DLGAP2: variants seen among roughly 807,000 people sequenced by gnomAD.
DLGAP2 encodes the protein DLG associated protein 2.
In DLGAP2, 26 loss-of-function variants were observed where a neutral mutation model predicts 100.3. The observed-to-expected ratio is 0.26, with a 90% CI of 0.19 to 0.36. The LOEUF is 0.36. Ranked by LOEUF, DLGAP2 falls within the 10% of genes least tolerant of loss-of-function variation. The probability of loss-of-function intolerance (pLI) is 1.00; values close to 1 mark genes in which losing one functional copy is unlikely to be tolerated. For synonymous variants in DLGAP2, 886 were observed against 630.1 expected (o/e 1.41, Z -6.08); for missense variants, 1,858 against 1,453.2 (o/e 1.28, Z -4.53).
At chr8:983,765 C>T (rs1385409060) in intron 2 of DLGAP2, among the ~76,000 whole-genome samples, 1 of 152,284 alleles carries the variant, frequency 6.6e-6, no homozygotes, top group African/African-American at 2.4e-5. Flanking sequence ...ACCGCAGCCT[C>T]CCGAGTAGCT....
intron 3 of DLGAP2, among the ~76,000 whole-genome samples, chr8:1,446,680 G>C (rs1015408694): frequency 7.2e-5 from 11 of 152,120 alleles, no homozygotes; most frequent in African/African-American, 2.7e-4. Context: ...AATTACCTTG[G>C]GCAGTATGGC....
At chr8:1,529,520 T>G (rs888524183) in intron 4 of DLGAP2, among the ~76,000 whole-genome samples, 1 of 152,086 alleles carries the variant, frequency 6.6e-6, no homozygotes, top group South Asian at 2.1e-4. Context: ...CTGAGAAAAA[T>G]TCATGTTTAT....
At chr8:751,971 C>G (rs1169036941) in intron 1 of DLGAP2, among the ~76,000 whole-genome samples, 3 of 152,184 alleles carry the variant, frequency 2.0e-5, no homozygotes, top group Non-Finnish European at 4.4e-5. Context: ...TCATCTGACA[C>G]TTTTTTCAGG....
intron 2 of DLGAP2, among the ~76,000 whole-genome samples, chr8:1,127,019 C>G (rs1487909101): frequency 1.3e-5 from 2 of 150,726 alleles, no homozygotes; most frequent in Non-Finnish European, 3.0e-5. Flanking sequence ...GGGATGCCCA[C>G]CCTGTCCCCA....
chr8:1,130,090 AGACACTTCACGCGAGTTAAGGGATCG>A (rs1563207008), intron 2 of DLGAP2, among the ~76,000 whole-genome samples: 6 of 1,850 alleles, frequency 3.2e-3, no homozygotes, highest in Admixed American at 0.018. Context: ...GGATCGTGTC[AGACACTTCACGCGAGTTAAGGGATCG>A]TGTCAGACAC....
intron 3 of DLGAP2, among the ~76,000 whole-genome samples, chr8:1,346,918 C>T (rs1198013673): frequency 6.6e-6 from 1 of 151,118 alleles, no homozygotes; most frequent in Non-Finnish European, 1.5e-5. Context: ...AGGTTGAGTT[C>T]CCATACACGT....
intron 2 of DLGAP2, among the ~76,000 whole-genome samples, chr8:1,244,873 A>G (rs1798870793): frequency 6.6e-6 from 1 of 152,274 alleles, no homozygotes; most frequent in African/African-American, 2.4e-5. Context: ...ATGTTTGCAA[A>G]GCATATGTGT....
chr8:1,233,370 T>C (rs778091327), intron 2 of DLGAP2, among the ~76,000 whole-genome samples: 7 of 152,216 alleles, frequency 4.6e-5, no homozygotes, highest in African/African-American at 7.2e-5. Context: ...TTTAATTCAA[T>C]AGCAGAAGAC....
At chr8:883,192 C>A (rs1797846111) in intron 1 of DLGAP2, 1 of 152,346 alleles carries the variant, frequency 6.6e-6, no homozygotes, top group African/African-American at 2.4e-5. Context: ...ACGTGCTGTA[C>A]CCACCACTGG....
intron 3 of DLGAP2, among the ~76,000 whole-genome samples, chr8:1,455,337 G>A (rs746768475): frequency 4.6e-5 from 7 of 152,342 alleles, no homozygotes; most frequent in Admixed American, 1.3e-4. Flanking sequence ...GGGGTTTCCC[G>A]ATGGTGGGGC....
At chr8:1,321,720 C>A (rs1465689242) in intron 3 of DLGAP2, among the ~76,000 whole-genome samples, 1 of 152,168 alleles carries the variant, frequency 6.6e-6, no homozygotes, top group African/African-American at 2.4e-5. Flanking sequence ...AACTCGGCTT[C>A]CCCATTTATA....
chr8:1,081,676 G>A (rs190678712), intron 2 of DLGAP2, among the ~76,000 whole-genome samples: 1 of 152,174 alleles, frequency 6.6e-6, no homozygotes, highest in East Asian at 1.9e-4. Flanking sequence ...ATTCAAGATT[G>A]TGTTCCTTTT....
intron 8 of DLGAP2, among the ~76,000 whole-genome samples, chr8:1,653,177 G>A (rs1452823023): frequency 6.6e-6 from 1 of 152,038 alleles, no homozygotes; most frequent in African/African-American, 2.4e-5. Context: ...GGCCCTGTGG[G>A]TGGGGTAGGG....
At chr8:1,600,370 G>A (rs745307327) in intron 6 of DLGAP2, among the ~76,000 whole-genome samples, 4 of 152,098 alleles carry the variant, frequency 2.6e-5, no homozygotes. Flanking sequence ...TCTTCTCAAG[G>A]AGTAACTTTG....
intron 1 of DLGAP2, among the ~76,000 whole-genome samples, chr8:900,041 A>G (rs926402118): frequency 3.3e-5 from 5 of 152,268 alleles, no homozygotes; most frequent in African/African-American, 1.2e-4. Flanking sequence ...GTGTTTGGAA[A>G]TAACTTCACA....
intron 4 of DLGAP2, among the ~76,000 whole-genome samples, chr8:1,520,249 G>C (rs1388455881): frequency 6.6e-6 from 1 of 152,188 alleles, no homozygotes; most frequent in Non-Finnish European, 1.5e-5. Flanking sequence ...CGGAGCTCAT[G>C]GTTCACAGAG....
intron 2 of DLGAP2, among the ~76,000 whole-genome samples, chr8:995,987 C>T (rs7844503): frequency 3.3e-5 from 5 of 152,110 alleles, no homozygotes; most frequent in African/African-American, 1.2e-4. Flanking sequence ...AACATCCCTC[C>T]CTTTTCCATG....
At chr8:744,998 A>C (rs891197770) in intron 1 of DLGAP2, among the ~76,000 whole-genome samples, 1 of 151,972 alleles carries the variant, frequency 6.6e-6, no homozygotes, top group African/African-American at 2.4e-5. Context: ...CCATCCCCAC[A>C]CCTGCCGCAG....
At chr8:778,419 G>A (rs151040805) in intron 1 of DLGAP2, among the ~76,000 whole-genome samples, 32,027 of 152,150 alleles carry the variant, frequency 0.21, 4,148 homozygotes, top group Admixed American at 0.41. Flanking sequence ...GAGGAGAGGC[G>A]CTCTGCTTTT....
Sources: gnomAD v4.1 joint callset for allele counts (sites outside exome capture counted in the v4.1 genomes callset) on GRCh38, gnomAD v4.1.1 for gene constraint, MANE v1.5 for transcripts, NCBI Gene and HGNC (gene_info 2026-07-23, HGNC 2026-07-21) for gene names.